VPS45: variants seen among roughly 807,000 people sequenced by gnomAD.
VPS45 encodes the protein vacuolar protein sorting 45 homolog, also known as vacuolar protein sorting-associated protein 45.
Under a neutral mutation model 75.9 loss-of-function variants are expected in VPS45, and 35 were observed. The observed-to-expected ratio is 0.46, with a 90% confidence interval of 0.35 to 0.61. The LOEUF is 0.61. Ranked by LOEUF, VPS45 falls within the 20% of genes least tolerant of loss-of-function variation. The pLI is 0.00. For synonymous variants in VPS45, 220 were observed against 238.2 expected, an observed-to-expected ratio of 0.92 and a Z score of 0.70; for missense variants, 559 against 685.9, an observed-to-expected ratio of 0.81 and a Z score of 2.07.
At chr1:150,116,077 T>A (rs1290552775) in intron 14 of VPS45, among the ~76,000 whole-genome samples, 1 of 152,198 alleles carries the variant, frequency 6.6e-6, no homozygotes, top group Non-Finnish European at 1.5e-5. Flanking sequence ...TACAAGATAA[T>A]TTTCACCTTA....
chr1:150,068,904 C>A, intron 2 of VPS45, 140 bp downstream of exon 2: 1 of 916,964 alleles, frequency 1.1e-6, no homozygotes. Context: ...TTATAACCTT[C>A]ATTTTTCTTG....
chr1:150,120,335 A>G (rs1473296748), intron 14 of VPS45, among the ~76,000 whole-genome samples: 1 of 152,220 alleles, frequency 6.6e-6, no homozygotes, highest in Non-Finnish European at 1.5e-5. Context: ...ATATATCAAG[A>G]TCACTTTTAC....
intron 2 of VPS45, among the ~76,000 whole-genome samples, chr1:150,070,636 C>CAAAAAAAAAA (rs1449539558): frequency 7.1e-6 from 1 of 141,350 alleles, no homozygotes. Flanking sequence ...ACTAAAAATA[C>CAAAAAAAAAA]AAAAAAAAAA....
intron 7 of VPS45, among the ~76,000 whole-genome samples, chr1:150,078,875 C>T (rs190217023): frequency 2.8e-4 from 43 of 152,058 alleles, no homozygotes; most frequent in Admixed American, 1.2e-3. Flanking sequence ...TTTGGGAGGT[C>T]GAGGTGGGTA....
chr1:150,118,148 A>G (rs1455558650), intron 14 of VPS45, among the ~76,000 whole-genome samples: 5 of 149,742 alleles, frequency 3.3e-5, no homozygotes, highest in Admixed American at 6.7e-5. Context: ...GTTGGGTGTG[A>G]TGGTGTGTGC....
Position 150,093,512 on chromosome 1 carries a change from T to C in VPS45, c.1372-15T>C. The C allele has an allele frequency of 6.2e-7, 1 of 1,604,692 alleles. No homozygotes were observed. The highest frequency in any genetic ancestry group is 1.7e-4 in the Middle Eastern group (1 of 6,002). On this transcript the variant is annotated splice_polypyrimidine_tract_variant and intron_variant, in intron 12 of 14. Transcript: ENST00000644510. ...TTCCCAAAAATGACATAAGAACCAT[T>C]TTCCCCTGTTTTAGGGAGTAGAAAA...
intron 13 of VPS45, among the ~76,000 whole-genome samples, chr1:150,099,288 A>T (rs1324854415): frequency 6.6e-6 from 1 of 151,854 alleles, no homozygotes; most frequent in Non-Finnish European, 1.5e-5. Flanking sequence ...AGAGGTCGGG[A>T]GTTCAAAACT....
At chr1:150,112,762 G>A (rs1328692357) in intron 14 of VPS45, among the ~76,000 whole-genome samples, 1 of 152,160 alleles carries the variant, frequency 6.6e-6, no homozygotes, top group Non-Finnish European at 1.5e-5. Flanking sequence ...GGAGTGACTG[G>A]TTGTAAATCA....
rs190069113 is a variant in VPS45, at chr1:150,075,864, C to G, written c.290-369C>G. 2.7e-3 allele frequency among the ~76,000 whole-genome samples: 417 copies of G among 152,066 alleles called. 2 individuals are homozygous for G. Among genetic ancestry groups the G allele is most frequent in the African/African-American group, 9.5e-3 (394 of 41,438 alleles). ...TCCTGGGTTCATGCCATTCTCCTGT[C>G]TCAGCCTCCCGAGTAGCTGGGACTA... On this transcript the variant is annotated intron_variant, in intron 3 of 14. Coordinates refer to ENST00000644510, the MANE Select transcript of VPS45 (RefSeq NM_007259.5).
At chr1:150,068,569 G>A in intron 1 of VPS45, 61 bp from the exon 2 acceptor site, 3 of 1,393,178 alleles carry the variant, frequency 2.2e-6, no homozygotes, top group East Asian at 2.5e-5. Context: ...AGGGTTAGAT[G>A]TGCTACTTGT....
chr1:150,107,669 T>G (rs145066888), intron 13 of VPS45, among the ~76,000 whole-genome samples: 3,273 of 152,198 alleles, frequency 0.022, 99 homozygotes, highest in African/African-American at 0.074. Flanking sequence ...AGGCGAAGGC[T>G]GGCAGATCAC....
At chr1:150,079,567 AT>A (rs1170121099) in intron 7 of VPS45, among the ~76,000 whole-genome samples, 21 of 152,220 alleles carry the variant, frequency 1.4e-4, no homozygotes, top group African/African-American at 4.6e-4. Flanking sequence ...CACCTGGCTA[AT>A]TTTTGTATTA....
chr1:150,144,913 T>G lies in VPS45; in HGVS notation c.*117T>G, dbSNP rs1390759228. On this transcript the variant is annotated 3_prime_UTR_variant, in exon 15 of 15. Coordinates refer to ENST00000644510, the MANE Select transcript of VPS45 (RefSeq NM_007259.5). ...TCTGTGCTGGTTGTTAGAACTCATC[T>G]CCAGGTAGCCCACGGATACGTGGTT... 1.3e-6 allele frequency: 2 copies of G among 1,557,562 alleles called. No homozygotes were observed. Among genetic ancestry groups the G allele is most frequent in the African/African-American group, 2.7e-5 (2 of 73,778 alleles).
chr1:150,132,928 A>G (rs1200602846), intron 14 of VPS45, among the ~76,000 whole-genome samples: 1 of 152,210 alleles, frequency 6.6e-6, no homozygotes, highest in African/African-American at 2.4e-5. Context: ...TAAGCACTCA[A>G]TGGATGTTAC....
intron 14 of VPS45, among the ~76,000 whole-genome samples, chr1:150,127,592 TAG>T (rs1267880102): frequency 1.3e-5 from 2 of 152,154 alleles, no homozygotes; most frequent in Non-Finnish European, 2.9e-5. Flanking sequence ...CCAGCCAAGG[TAG>T]ATATTTTTAT....
chr1:150,071,606 G>A (rs1655075999), intron 2 of VPS45, among the ~76,000 whole-genome samples: 1 of 152,012 alleles, frequency 6.6e-6, no homozygotes, highest in Non-Finnish European at 1.5e-5. Flanking sequence ...GGCCAACATG[G>A]TGAAACCCCG....
At chr1:150,104,890 G>A (rs1026447133) in intron 13 of VPS45, among the ~76,000 whole-genome samples, 6 of 152,284 alleles carry the variant, frequency 3.9e-5, no homozygotes, top group Non-Finnish European at 7.4e-5. Flanking sequence ...ACCAGGCCCA[G>A]CCTTTTTTCG....
intron 14 of VPS45, among the ~76,000 whole-genome samples, chr1:150,114,567 T>G (rs1571885482): frequency 1.1e-4 from 12 of 108,370 alleles, no homozygotes; most frequent in South Asian, 6.5e-4. Flanking sequence ...CAATATAGAG[T>G]GACTCTGTTT....
intron 2 of VPS45, chr1:150,068,996 C>T: frequency 2.1e-6 from 1 of 477,118 alleles, no homozygotes; most frequent in East Asian, 3.3e-5. Flanking sequence ...ATTCCCATTG[C>T]CACTAATGAA....
Sources: allele counts gnomAD v4.1 joint callset (sites outside exome capture counted in the v4.1 genomes callset), GRCh38; gene constraint gnomAD v4.1.1; transcripts MANE v1.5; gene names NCBI Gene and HGNC (gene_info 2026-07-23, HGNC 2026-07-21).